The following DTNA variants were observed in gnomAD, a reference collection of about 807,000 sequenced individuals.
DTNA encodes the protein dystrophin-related protein 3.
DTNA carries 43 observed loss-of-function variants against 100.7 expected under a neutral mutation model. The observed-to-expected ratio is 0.43, with a 90% CI of 0.33 to 0.55. The LOEUF (loss-of-function observed/expected upper bound fraction) is 0.55. DTNA is among the 20% of genes least tolerant of loss of function. The pLI, the probability that DTNA is intolerant of heterozygous loss-of-function variation, is 0.04. For missense variants in DTNA, 798 were observed against 953.9 expected, an observed-to-expected ratio of 0.84 and a Z score of 2.15; for synonymous variants, 349 against 347.9, an observed-to-expected ratio of 1.00 and a Z score of -0.04.
At chr18:34,544,840 G>A (rs1223884212) in intron 1 of DTNA, among the ~76,000 whole-genome samples, 2 of 151,724 alleles carry the variant, frequency 1.3e-5, no homozygotes, top group African/African-American at 2.4e-5. Context: ...CTTGCAATGG[G>A]TAAAACTGAC....
intron 1 of DTNA, among the ~76,000 whole-genome samples, chr18:34,555,216 G>T (rs1363602512): frequency 5.6e-5 from 8 of 142,186 alleles, no homozygotes; most frequent in African/African-American, 2.2e-4. Context: ...GGGATCGGTG[G>T]TGATATCCCC....
intron 1 of DTNA, among the ~76,000 whole-genome samples, chr18:34,663,835 A>G (rs907825997): frequency 6.6e-6 from 1 of 152,242 alleles, no homozygotes; most frequent in Non-Finnish European, 1.5e-5. Flanking sequence ...TCGTGGTGAC[A>G]TTAACAAAAG....
At chr18:34,504,256 A>G (rs1331321089) in intron 1 of DTNA, 3 of 152,028 alleles carry the variant, frequency 2.0e-5, no homozygotes, top group South Asian at 2.1e-4. Flanking sequence ...CATTTTATCA[A>G]TTTGAATGAA....
intron 1 of DTNA, among the ~76,000 whole-genome samples, chr18:34,609,639 T>G (rs1204993286): frequency 6.6e-6 from 1 of 152,176 alleles, no homozygotes; most frequent in African/African-American, 2.4e-5. Context: ...AAATTTGTTT[T>G]GACTCATACC....
intron 16 of DTNA, among the ~76,000 whole-genome samples, chr18:34,863,451 C>T (rs1420345233): frequency 2.0e-5 from 3 of 152,294 alleles, no homozygotes; most frequent in Admixed American, 6.5e-5. Flanking sequence ...ATTGTATCTA[C>T]GTGCTGTTAA....
chr18:34,634,351 T>G (rs1246556964), intron 1 of DTNA, among the ~76,000 whole-genome samples: 1 of 152,156 alleles, frequency 6.6e-6, no homozygotes, highest in Non-Finnish European at 1.5e-5. Flanking sequence ...AATTTAAAAT[T>G]TTTTTACTTA....
chr18:34,521,696 A>C (rs977869850), intron 1 of DTNA, among the ~76,000 whole-genome samples: 3 of 152,116 alleles, frequency 2.0e-5, no homozygotes, highest in Non-Finnish European at 4.4e-5. Flanking sequence ...TACCTGGAGC[A>C]CTTACTCCAC....
intron 1 of DTNA, among the ~76,000 whole-genome samples, chr18:34,716,282 C>T (rs1042484445): frequency 5.9e-5 from 9 of 152,186 alleles, no homozygotes; most frequent in Non-Finnish European, 8.8e-5. Context: ...AAGAAGTCGG[C>T]CGGGCACCGT....
intron 1 of DTNA, among the ~76,000 whole-genome samples, chr18:34,695,837 G>A (rs775030434): frequency 6.6e-6 from 1 of 152,094 alleles, no homozygotes; most frequent in South Asian, 2.1e-4. Flanking sequence ...CTTTTTCCAC[G>A]TGTTCCTGAT....
chr18:34,672,413 A>G (rs2076881087), intron 1 of DTNA, among the ~76,000 whole-genome samples: 1 of 152,186 alleles, frequency 6.6e-6, no homozygotes, highest in African/African-American at 2.4e-5. Flanking sequence ...AGTGTATTCT[A>G]AGAAAGTGAC....
chr18:34,792,791 G>A (rs1216677393), intron 3 of DTNA, among the ~76,000 whole-genome samples: 1 of 152,058 alleles, frequency 6.6e-6, no homozygotes, highest in Admixed American at 6.6e-5. Context: ...GTGAAACCCA[G>A]CCTTTTCATT....
intron 1 of DTNA, among the ~76,000 whole-genome samples, chr18:34,502,898 C>T (rs1394749025): frequency 2.6e-5 from 4 of 152,058 alleles, no homozygotes; most frequent in Admixed American, 2.0e-4. Flanking sequence ...CTGTCAAGTT[C>T]TTATATGTCT....
chr18:34,671,045 C>T (rs984153167), intron 1 of DTNA, among the ~76,000 whole-genome samples: 2 of 152,184 alleles, frequency 1.3e-5, no homozygotes, highest in Non-Finnish European at 2.9e-5. Flanking sequence ...GCAGGCAGGC[C>T]TCCTTGAGCT....
At chr18:34,669,862 T>A (rs1208430326) in intron 1 of DTNA, among the ~76,000 whole-genome samples, 1 of 152,218 alleles carries the variant, frequency 6.6e-6, no homozygotes, top group Non-Finnish European at 1.5e-5. Context: ...CCTTAATATT[T>A]TTTCCTTCAT....
At chr18:34,601,893 A>G (rs1050618491) in intron 1 of DTNA, among the ~76,000 whole-genome samples, 16 of 152,222 alleles carry the variant, frequency 1.1e-4, no homozygotes, top group African/African-American at 3.9e-4. Flanking sequence ...TTCCTACAGA[A>G]TGCAGAAAGT....
chr18:34,786,401 GA>G (rs2094508920), intron 3 of DTNA, among the ~76,000 whole-genome samples: 1 of 152,158 alleles, frequency 6.6e-6, no homozygotes. Flanking sequence ...TTCATGCCGG[GA>G]ATATTGCACT....
At chr18:34,757,517 C>T (rs531155109) in intron 2 of DTNA, among the ~76,000 whole-genome samples, 1 of 152,304 alleles carries the variant, frequency 6.6e-6, no homozygotes, top group South Asian at 2.1e-4. Context: ...AGACAGCACA[C>T]TGTAAGAACT....
intron 1 of DTNA, among the ~76,000 whole-genome samples, chr18:34,577,346 GT>G (rs1480385154): frequency 6.6e-6 from 1 of 151,924 alleles, no homozygotes; most frequent in African/African-American, 2.4e-5. Context: ...ATCAATATGT[GT>G]TTTTATATTT....
At chr18:34,561,935 A>G (rs943491815) in intron 1 of DTNA, among the ~76,000 whole-genome samples, 8 of 152,170 alleles carry the variant, frequency 5.3e-5, no homozygotes, top group Admixed American at 1.3e-4. Context: ...TACCATGGCA[A>G]TTATTAGAGA....
Sources: gnomAD v4.1 joint callset for allele counts (sites outside exome capture counted in the v4.1 genomes callset) on GRCh38, gnomAD v4.1.1 for gene constraint, MANE v1.5 for transcripts, NCBI Gene and HGNC (gene_info 2026-07-23, HGNC 2026-07-21) for gene names.